The following CHD7 variants were observed in gnomAD, a reference collection of about 807,000 sequenced individuals.
CHD7 encodes the protein ATP-dependent chromatin remodeler CHD7.
A neutral mutation model predicts 307.3 loss-of-function variants in CHD7; 24 were observed. The observed-to-expected ratio is 0.08, with a 90% CI of 0.06 to 0.11. The LOEUF (loss-of-function observed/expected upper bound fraction) is 0.11, where lower values mean the gene tolerates loss of function less well. CHD7 is among the 10% of genes least tolerant of loss of function. CHD7 has a pLI of 1.00. For synonymous variants in CHD7, 1,363 were observed against 1,349.9 expected, an observed-to-expected ratio of 1.01 and a Z score of -0.21; for missense variants, 3,106 against 3,727.1, an observed-to-expected ratio of 0.83 and a Z score of 4.34.
At chr8:60,680,923 C>T (rs1031477526) in intron 1 of CHD7, among the ~76,000 whole-genome samples, 3 of 152,060 alleles carry the variant, frequency 2.0e-5, no homozygotes, top group African/African-American at 7.2e-5. Context: ...CATTACATGT[C>T]TTAATTTATT....
chr8:60,736,448 G>T (rs968415247), intron 1 of CHD7, among the ~76,000 whole-genome samples: 10 of 152,148 alleles, frequency 6.6e-5, no homozygotes, highest in Non-Finnish European at 1.5e-4. Context: ...ATGTTTTGCA[G>T]CCTTGATGAT....
At chr8:60,687,587 A>G (rs1056696033) in intron 1 of CHD7, among the ~76,000 whole-genome samples, 1 of 152,220 alleles carries the variant, frequency 6.6e-6, no homozygotes, top group Non-Finnish European at 1.5e-5. Context: ...CCTGAAGTAT[A>G]TGTTGGGCCA....
intron 11 of CHD7, 142 bp downstream of exon 11, chr8:60,822,287 AT>A (rs1804078634): frequency 1.4e-6 from 1 of 732,386 alleles, no homozygotes; most frequent in African/African-American, 1.8e-5. Flanking sequence ...TATATGTAAT[AT>A]TTAATAAATA....
At chr8:60,750,631 T>C (rs1809596862) in intron 2 of CHD7, among the ~76,000 whole-genome samples, 1 of 152,236 alleles carries the variant, frequency 6.6e-6, no homozygotes, top group Admixed American at 6.5e-5. Context: ...TTTCAACATG[T>C]AGTCAGTATA....
intron 3 of CHD7, 80 bp from the exon 4 acceptor site, chr8:60,794,906 G>A: frequency 7.9e-7 from 1 of 1,268,222 alleles, no homozygotes; most frequent in Non-Finnish European, 1.1e-6. Flanking sequence ...TGATACTTTT[G>A]GGATATTAAT....
intron 2 of CHD7, among the ~76,000 whole-genome samples, chr8:60,760,604 G>T: frequency 6.8e-6 from 1 of 146,606 alleles, no homozygotes; most frequent in Non-Finnish European, 1.5e-5. Flanking sequence ...TCTGACAAAG[G>T]GCTAATATCC....
chr8:60,777,534 A>G (rs1470823478), intron 2 of CHD7, among the ~76,000 whole-genome samples: 4 of 152,186 alleles, frequency 2.6e-5, no homozygotes, highest in Non-Finnish European at 5.9e-5. Flanking sequence ...TGATTCTTCT[A>G]TGCATTTTGG....
At chr8:60,821,723 CAT>C in intron 9 of CHD7, 65 bp from the exon 10 acceptor site, 3 of 1,296,444 alleles carry the variant, frequency 2.3e-6, no homozygotes, top group Non-Finnish European at 2.1e-6. Flanking sequence ...TATATATACA[CAT>C]ATATATGTAT....
chr8:60,796,687 A>C (rs1812052353), intron 4 of CHD7, among the ~76,000 whole-genome samples: 1 of 151,474 alleles, frequency 6.6e-6, no homozygotes, highest in Non-Finnish European at 1.5e-5. Context: ...ACATTGATGT[A>C]TCCTTTCTAA....
intron 34 of CHD7, among the ~76,000 whole-genome samples, chr8:60,858,027 A>T (rs574325664): frequency 6.6e-6 from 1 of 152,348 alleles, no homozygotes; most frequent in East Asian, 1.9e-4. Context: ...AGGCCAAGGC[A>T]GGTGGATCAC....
chr8:60,685,980 C>T (rs1039555758), intron 1 of CHD7, among the ~76,000 whole-genome samples: 4 of 152,060 alleles, frequency 2.6e-5, no homozygotes, highest in Non-Finnish European at 4.4e-5. Flanking sequence ...AAATTTTGTT[C>T]TTGTGTGCAT....
intron 37 of CHD7, 36 bp from the exon 38 acceptor site, chr8:60,864,980 C>T (rs971566799): frequency 7.8e-6 from 12 of 1,544,866 alleles, no homozygotes; most frequent in Non-Finnish European, 1.1e-5. Flanking sequence ...TCTTCGACAG[C>T]CTTTATAGCC....
Position 60,836,971 on chromosome 8 carries a change from A to G in CHD7, c.4144A>G (p.Ile1382Val). The stretch of plus-strand genomic sequence containing the variant: ...TAACCTCACTGCTGCTGATACCTGC[A>G]TCATCTTTGATTCAGACTGGAATCC... ...GINLTAADTC[I>V]IFDSDWNPQN... Residue 1382 changes from isoleucine to valine, a missense_variant, in exon 17 of 38, where the codon ATC becomes GTC. Ile to Val is a conservative substitution (Grantham distance 29). Coordinates refer to ENST00000423902, the MANE Select transcript of CHD7 (RefSeq NM_017780.4). 2.5e-6 allele frequency: 4 copies of G among 1,612,694 alleles called. No homozygotes were observed. Among genetic ancestry groups the G allele is most frequent in the South Asian group, 1.1e-5 (1 of 90,892 alleles).
chr8:60,721,925 A>T (rs1429958782), intron 1 of CHD7, among the ~76,000 whole-genome samples: 10 of 152,228 alleles, frequency 6.6e-5, no homozygotes, highest in Non-Finnish European at 7.3e-5. Flanking sequence ...TGCATGAATG[A>T]AACTTTTTAG....
chr8:60,763,318 G>C (rs906908782), intron 2 of CHD7, among the ~76,000 whole-genome samples: 3 of 152,090 alleles, frequency 2.0e-5, no homozygotes, highest in African/African-American at 7.2e-5. Flanking sequence ...TGGTGCTTTT[G>C]TACTTGTAGC....
chr8:60,709,128 G>T (rs1807161342), intron 1 of CHD7, among the ~76,000 whole-genome samples: 1 of 152,130 alleles, frequency 6.6e-6, no homozygotes, highest in South Asian at 2.1e-4. Flanking sequence ...CTCTTTGAAG[G>T]CAGCCTAGGG....
In CHD7 at chr8:60,800,427, A is replaced by G. The variant is rs1237122943; in HGVS notation, c.2278A>G (p.Thr760Ala). The change falls in exon 5 of 38, where the codon ACT becomes GCT. Residue 760 changes from threonine (T) to alanine (A), a missense_variant. This residue lies in a region of CHD7 where 998 missense variants were observed against 1,004.5 expected (regional missense o/e 0.99). Coordinates refer to ENST00000423902, the MANE Select transcript of CHD7 (RefSeq NM_017780.4). ...SSRQVKRKRY[T>A]EDLEFKISDE... Reference sequence around the variant, plus strand: ...CAGACAGGTGAAGAGAAAGCGCTACACTGAAGACCTGGAGTTCAAGATTTC... The same window carrying G: ...CAGACAGGTGAAGAGAAAGCGCTACGCTGAAGACCTGGAGTTCAAGATTTC... 3.7e-6 allele frequency: 6 copies of G among 1,613,738 alleles called. No homozygotes were observed. The African/African-American group carries it at 6.7e-5, about 18-fold the overall frequency.
chr8:60,757,408 A>T (rs554694782), intron 2 of CHD7, among the ~76,000 whole-genome samples: 104 of 152,272 alleles, frequency 6.8e-4, no homozygotes, highest in East Asian at 4.8e-3. Context: ...AGAGAATTTT[A>T]AAAAAAATTC....
At chr8:60,857,893 C>T (rs1586455325) in intron 34 of CHD7, among the ~76,000 whole-genome samples, 1 of 152,304 alleles carries the variant, frequency 6.6e-6, no homozygotes, top group East Asian at 1.9e-4. Flanking sequence ...AAAATAACAT[C>T]CACTGAAATT....
Sources: gnomAD v4.1 joint callset for allele counts (sites outside exome capture counted in the v4.1 genomes callset) on GRCh38, gnomAD v4.1.1 for gene constraint, gnomAD v4.1.1 regional missense constraint, MANE v1.5 for transcripts, NCBI Gene and HGNC (gene_info 2026-07-23, HGNC 2026-07-21) for gene names.